SPAG17: variants seen among roughly 807,000 people sequenced by gnomAD.
SPAG17 encodes the protein sperm-associated antigen 17.
Under a neutral mutation model 273.6 loss-of-function variants are expected in SPAG17, and 169 were observed. The observed-to-expected ratio is 0.62, with a 90% confidence interval of 0.55 to 0.70. The LOEUF (loss-of-function observed/expected upper bound fraction) is 0.70. Among genes scored for constraint, SPAG17 ranks in the 30% least tolerant of loss-of-function variants. The pLI, the probability that SPAG17 is intolerant of heterozygous loss-of-function variation, is 0.00. For synonymous variants in SPAG17, 825 were observed against 873.2 expected (o/e 0.94, Z 0.97); for missense variants, 2,557 against 2,627.8 (o/e 0.97, Z 0.59).
At chr1:118,149,422 G>A (rs1659250750) in intron 3 of SPAG17, among the ~76,000 whole-genome samples, 1 of 152,188 alleles carries the variant, frequency 6.6e-6, no homozygotes. Flanking sequence ...AGAATTGGAT[G>A]TGGATTTCTA....
intron 1 of SPAG17, among the ~76,000 whole-genome samples, chr1:118,155,912 A>G (rs1276294467): frequency 1.3e-5 from 2 of 152,210 alleles, no homozygotes; most frequent in African/African-American, 4.8e-5. Flanking sequence ...TTTGGCCAGC[A>G]GAAGAAATAT....
intron 44 of SPAG17, 90 bp from the exon 45 acceptor site, chr1:117,972,137 CTG>C: frequency 1.8e-6 from 2 of 1,132,964 alleles, no homozygotes; most frequent in South Asian, 3.3e-5. Flanking sequence ...AGGAAAATAA[CTG>C]TTGGGTTGCT....
Position 118,151,227 on chromosome 1 carries a change from A to AG in SPAG17, c.228+1_228+2insC. On this transcript the variant is annotated splice_donor_variant, in intron 2 of 48. Transcript: ENST00000336338. LOFTEE classifies it high-confidence loss of function. ...GGCTTTGAGGTAGGAAGGGACAGGT[A>AG]CCTGCTGGAGAATGTCTTGCCACGA... The AG allele has an allele frequency of 6.4e-7, 1 of 1,566,262 alleles. No homozygotes were observed. Among genetic ancestry groups the AG allele is most frequent in the Non-Finnish European group, 8.7e-7 (1 of 1,152,036 alleles).
At chr1:117,980,298 C>G (rs1655645711) in intron 43 of SPAG17, among the ~76,000 whole-genome samples, 1 of 152,030 alleles carries the variant, frequency 6.6e-6, no homozygotes, top group African/African-American at 2.4e-5. Context: ...GTGGCATGAT[C>G]TCAGCCCACT....
At chr1:117,968,989 G>T (rs1274935145) in intron 46 of SPAG17, among the ~76,000 whole-genome samples, 1 of 152,064 alleles carries the variant, frequency 6.6e-6, no homozygotes, top group African/African-American at 2.4e-5. Context: ...ACTTTAAATG[G>T]CATATGGGAG....
chr1:118,048,033 G>A (rs1296667272), intron 20 of SPAG17, among the ~76,000 whole-genome samples: 1 of 151,948 alleles, frequency 6.6e-6, no homozygotes, highest in Non-Finnish European at 1.5e-5. Flanking sequence ...GGTGCAGGCT[G>A]GCTACATGGT....
intron 20 of SPAG17, among the ~76,000 whole-genome samples, chr1:118,051,602 A>C (rs1199716856): frequency 6.6e-6 from 1 of 150,498 alleles, no homozygotes; most frequent in Non-Finnish European, 1.5e-5. Flanking sequence ...AATACTATGT[A>C]TACATATATT....
At chr1:118,001,678 A>T (rs903960611) in intron 32 of SPAG17, among the ~76,000 whole-genome samples, 5 of 151,816 alleles carry the variant, frequency 3.3e-5, no homozygotes, top group Non-Finnish European at 5.9e-5. Context: ...CTCTTTTATC[A>T]TTTTTTATTG....
rs1660189295 is a variant in SPAG17, at chr1:118,166,788, ATAT to A, written c.88-15422_88-15420del. 3.3e-5 allele frequency among the ~76,000 whole-genome samples: 5 copies of A among 152,210 alleles called. No homozygotes were observed. The South Asian group carries it at 1.0e-3, about 31-fold the overall frequency. ...AGCATCTTAAAATTTTGCATGTTAAATATTATTAAAATACTTTTACATAAAATA... is the reference window on the plus strand; with the variant it reads ...AGCATCTTAAAATTTTGCATGTTAAATATTAAAATACTTTTACATAAAATA... On this transcript the variant is annotated intron_variant, in intron 1 of 48. Coordinates refer to ENST00000336338, the MANE Select transcript of SPAG17 (RefSeq NM_206996.4).
At chr1:118,055,667 T>C in intron 19 of SPAG17, 66 bp downstream of exon 19, 1 of 1,176,704 alleles carries the variant, frequency 8.5e-7, no homozygotes. Flanking sequence ...ACAGTCTTGA[T>C]TAAATTAAGA....
intron 7 of SPAG17, among the ~76,000 whole-genome samples, chr1:118,093,910 A>G (rs1341990533): frequency 6.6e-6 from 1 of 152,198 alleles, no homozygotes; most frequent in Non-Finnish European, 1.5e-5. Context: ...TAATACCCAC[A>G]AGTTTTATGA....
At chr1:118,179,063 A>G (rs1660820921) in intron 1 of SPAG17, among the ~76,000 whole-genome samples, 1 of 152,016 alleles carries the variant, frequency 6.6e-6, no homozygotes, top group Admixed American at 6.6e-5. Flanking sequence ...TCCCTATTAA[A>G]ATACTAATGA....
intron 23 of SPAG17, 86 bp downstream of exon 23, chr1:118,039,206 T>C (rs1465390311): frequency 2.2e-6 from 3 of 1,377,500 alleles, no homozygotes; most frequent in African/African-American, 1.5e-5. Context: ...AAAAAGAACA[T>C]GCAATAAGCC....
Position 118,036,802 on chromosome 1 carries a change from A to ATCGAGAGGC in SPAG17, c.3392_3400dup (p.Ser1133_Ile1134insSerLeuSer), listed in dbSNP as rs1649141085. On this transcript the variant is annotated inframe_insertion, in exon 24 of 49. Coordinates refer to ENST00000336338, the MANE Select transcript of SPAG17 (RefSeq NM_206996.4). ...CATTCCATTTGATCCATAGTAACTT[A>ATCGAGAGGC]TCGAGAGGCAGATTCCATTTTCTAA... is the stretch of plus-strand genomic sequence containing the variant. The ATCGAGAGGC allele has an allele frequency of 6.4e-7, 1 of 1,558,030 alleles. No individual in the cohort carries two copies. Among genetic ancestry groups the ATCGAGAGGC allele is most frequent in the Non-Finnish European group, 8.7e-7 (1 of 1,149,492 alleles).
At position 118,102,501 on chromosome 1, in the gene SPAG17, T is replaced by C. The variant is rs80185116; in HGVS notation, c.448-575A>G. ...ACTTAGCATTAACTAAGTATTTTTA[T>C]TATAATCCTACTGAAGAATGTGCAG... On this transcript the variant is annotated intron_variant, in intron 4 of 48. Transcript: ENST00000336338. 4.3e-3 allele frequency among the ~76,000 whole-genome samples: 652 copies of C among 152,344 alleles called. 4 individuals carry two copies. Among genetic ancestry groups the C allele is most frequent in the African/African-American group, 0.015 (620 of 41,578 alleles).
At position 118,016,121 on chromosome 1, in the gene SPAG17, T is replaced by C. The variant is rs1659949795; in HGVS notation, c.4131A>G (p.Pro1377=). The change falls in exon 29 of 49, where the codon CCA becomes CCG. Residue 1377 remains proline (P), a synonymous_variant. Transcript: ENST00000336338. ...CAGGAGTTACAGTTTGAACTGCCTCTGGAGGAGGGTCATGGATTTCACCCT... is the reference window on the plus strand; with the variant it reads ...CAGGAGTTACAGTTTGAACTGCCTCCGGAGGAGGGTCATGGATTTCACCCT... ...AHKGEIHDPP[P]EAVQTVTPVE... The C allele has an allele frequency of 1.2e-6, 2 of 1,613,984 alleles. No homozygotes were observed. Among genetic ancestry groups the C allele is most frequent in the African/African-American group, 2.7e-5 (2 of 74,940 alleles).
chr1:118,117,030 G>A (rs1177029062), intron 3 of SPAG17, among the ~76,000 whole-genome samples: 2 of 152,234 alleles, frequency 1.3e-5, no homozygotes, highest in Admixed American at 1.3e-4. Flanking sequence ...TTACTGTAAA[G>A]TGAAAGCTGT....
intron 1 of SPAG17, among the ~76,000 whole-genome samples, chr1:118,183,057 C>T (rs1055277341): frequency 6.6e-6 from 1 of 152,186 alleles, no homozygotes; most frequent in Admixed American, 6.5e-5. Flanking sequence ...GCCTACCCAA[C>T]ATGAACATGA....
chr1:118,161,973 T>C (rs1381584126), intron 1 of SPAG17, among the ~76,000 whole-genome samples: 2 of 152,146 alleles, frequency 1.3e-5, no homozygotes, highest in Non-Finnish European at 2.9e-5. Flanking sequence ...GCAAGAGCAG[T>C]TCTACTTGAG....
Sources: allele counts gnomAD v4.1 joint callset (sites outside exome capture counted in the v4.1 genomes callset), GRCh38; gene constraint gnomAD v4.1.1; transcripts MANE v1.5; gene names NCBI Gene and HGNC (gene_info 2026-07-23, HGNC 2026-07-21).